The following DIS3 variants were observed in gnomAD, a reference collection of about 807,000 sequenced individuals.
DIS3 encodes exosome complex exonuclease RRP44.
In DIS3, 103 loss-of-function variants were observed where a neutral mutation model predicts 113.0. That is an observed-to-expected ratio of 0.91 (90% CI 0.78 to 1.07). The LOEUF is 1.07. DIS3 is among the 50% of genes least tolerant of loss of function. The pLI is 0.00. For synonymous variants in DIS3, 402 were observed against 394.3 expected, an observed-to-expected ratio of 1.02 and a Z score of -0.23; for missense variants, 1,121 against 1,167.1, an observed-to-expected ratio of 0.96 and a Z score of 0.58.
rs1230013855 is a variant in DIS3, at chr13:72,764,346, CAATA to C, written c.1971-743_1971-740del. On this transcript the variant is annotated intron_variant, in intron 15 of 20. Coordinates refer to ENST00000377767, the MANE Select transcript of DIS3 (RefSeq NM_014953.5). ...TTGGCTTAAAAACCAAAATTTTTAA[CAATA>C]AATTACTCAAATGAAGAGACCATAT... Among the ~76,000 whole-genome samples, 4 of 152,150 alleles carry C rather than the reference CAATA, an allele frequency of 2.6e-5. No homozygotes were observed. In the East Asian group the frequency reaches 7.7e-4, roughly 29 times the overall value.
At chr13:72,774,741 A>G (rs1254129695) in intron 6 of DIS3, among the ~76,000 whole-genome samples, 3 of 152,320 alleles carry the variant, frequency 2.0e-5, no homozygotes, top group East Asian at 3.9e-4. Context: ...AGCGCATATC[A>G]TAAGAAATAA....
At position 72,755,220 on chromosome 13, in the gene DIS3, G is replaced by A. The variant is rs10887; in HGVS notation, c.*4575C>T. 1,159,748 of 1,603,496 alleles carry A rather than the reference G, an allele frequency of 0.72. 421,335 individuals carry two copies. The highest frequency in any genetic ancestry group is 0.81 in the African/African-American group (60,316 of 74,698). On this transcript the variant is annotated 3_prime_UTR_variant, in exon 21 of 21. Coordinates refer to ENST00000377767, the MANE Select transcript of DIS3 (RefSeq NM_014953.5). ...TTTTCAATGCAGCAGTCCATAGAAT[G>A]CCTCTGTCAGAATCAAAGACTAAGC...
At chr13:72,780,806 T>A (rs1005953452) in intron 2 of DIS3, 40 bp downstream of exon 2, 35 of 1,558,346 alleles carry the variant, frequency 2.2e-5, no homozygotes, top group Non-Finnish European at 2.3e-5. Flanking sequence ...ATTTTGCTAA[T>A]CCTGTGGTTT....
chr13:72,775,202 G>A lies in DIS3; in HGVS notation c.987+9C>T, dbSNP rs1390566064. ...CACAGACAAAAAAAAATCCTGCTTA[G>A]ATTCATACCATTCGTTCTGTCTCTT... On this transcript the variant is annotated intron_variant, in intron 6 of 20. Coordinates refer to ENST00000377767, the MANE Select transcript of DIS3 (RefSeq NM_014953.5). 1 of 1,607,598 alleles carries A rather than the reference G, an allele frequency of 6.2e-7. No individual in the cohort carries two copies. Among genetic ancestry groups the A allele is most frequent in the Non-Finnish European group, 8.5e-7 (1 of 1,177,266 alleles).
chr13:72,757,432 T>C lies in DIS3; in HGVS notation c.*2363A>G, dbSNP rs1045806591. The C allele has an allele frequency of 2.1e-5, 3 of 144,764 alleles. No homozygotes were observed. The highest frequency in any genetic ancestry group is 7.7e-5 in the African/African-American group (3 of 39,112). The allele number at this position is 144,764 out of a possible 1,614,324, so 9.0% of individuals were successfully genotyped here. A position where few individuals can be genotyped will look rare whatever the true frequency, so the allele number is the denominator to read the frequency against. ...TGGCTAATTTTCTTTTCTTTTTTTT[T>C]TTTTTTTTTTGCGATGGAGTCTCAC... On this transcript the variant is annotated 3_prime_UTR_variant, in exon 21 of 21. Transcript: ENST00000377767.
Position 72,757,845 on chromosome 13 carries a change from G to A in DIS3, c.*1950C>T, listed in dbSNP as rs929630123. On this transcript the variant is annotated 3_prime_UTR_variant, in exon 21 of 21. Transcript: ENST00000377767. ...TTTGGTCAACAATGGCCAAATATAC[G>A]ATGATGATCCCGTAAGATTACAATG... The A allele has an allele frequency of 4.3e-5, 9 of 208,764 alleles. No homozygotes were observed. The South Asian group carries it at 5.7e-4, about 13-fold the overall frequency. The allele number at this position is 208,764 out of a possible 1,614,324, so 12.9% of individuals were successfully genotyped here.
At chr13:72,780,437 T>C (rs916975407) in intron 2 of DIS3, among the ~76,000 whole-genome samples, 1 of 152,074 alleles carries the variant, frequency 6.6e-6, no homozygotes. Flanking sequence ...ATAAATCTAC[T>C]TTCTATTTTT....
chr13:72,762,991 G>A (rs2033662191), intron 16 of DIS3, among the ~76,000 whole-genome samples: 1 of 151,948 alleles, frequency 6.6e-6, no homozygotes, highest in Non-Finnish European at 1.5e-5. Flanking sequence ...TTTAGCATAG[G>A]GTGCTCTTTA....
At chr13:72,768,333 A>G (rs1383817589) in intron 14 of DIS3, among the ~76,000 whole-genome samples, 1 of 152,204 alleles carries the variant, frequency 6.6e-6, no homozygotes, top group East Asian at 1.9e-4. Flanking sequence ...ACATCAGTCC[A>G]GAATCAAGTT....
chr13:72,770,032 T>C (rs1485212458), intron 13 of DIS3, among the ~76,000 whole-genome samples: 2 of 152,212 alleles, frequency 1.3e-5, no homozygotes, highest in African/African-American at 4.8e-5. Context: ...CTAGTTCTAC[T>C]AAAATCCAAT....
At position 72,757,423 on chromosome 13, in the gene DIS3, C is replaced by CTTTTTCT. The variant is rs2033510997; in HGVS notation, c.*2371_*2372insAGAAAAA. On this transcript the variant is annotated 3_prime_UTR_variant, in exon 21 of 21. Coordinates refer to ENST00000377767, the MANE Select transcript of DIS3 (RefSeq NM_014953.5). ...CACCACACCTGGCTAATTTTCTTTT[C>CTTTTTCT]TTTTTTTTTTTTTTTTTTTGCGATG... 1 of 68,484 alleles carries CTTTTTCT rather than the reference C, an allele frequency of 1.5e-5. No homozygotes were observed. The highest frequency in any genetic ancestry group is 3.0e-5 in the Non-Finnish European group (1 of 33,878). 4.2% of individuals were successfully genotyped at this position (68,484 alleles called of 1,614,324 possible).
intron 11 of DIS3, 63 bp from the exon 12 acceptor site, chr13:72,771,208 C>G: frequency 7.8e-7 from 1 of 1,285,018 alleles, no homozygotes; most frequent in East Asian, 2.3e-5. Flanking sequence ...ATGTGAGGTT[C>G]TATTCTCAAA....
At chr13:72,775,070 C>A (rs537521773) in intron 6 of DIS3, 141 bp downstream of exon 6, 17 of 901,410 alleles carry the variant, frequency 1.9e-5, no homozygotes, top group African/African-American at 7.0e-5. Context: ...GAGAAAAAAA[C>A]CATGTGTATG....
rs1566240627 is a variant in DIS3 at position 72,763,635 on chromosome 13, C to A, written c.1971-28G>T. 1.1e-5 allele frequency: 17 copies of A among 1,583,486 alleles called. No homozygotes were observed. In the Admixed American group the frequency reaches 1.7e-4, roughly 16 times the overall value. On this transcript the variant is annotated intron_variant, in intron 15 of 20. Coordinates refer to ENST00000377767, the MANE Select transcript of DIS3 (RefSeq NM_014953.5). ...GCCAATGGAAAAAGCATTAAACAAACAAAAAAGAGAATCTGAGACTTCTAT... is the reference window on the plus strand; with the variant it reads ...GCCAATGGAAAAAGCATTAAACAAAAAAAAAAGAGAATCTGAGACTTCTAT...
chr13:72,778,524 C>T, intron 2 of DIS3, 144 bp from the exon 3 acceptor site: 1 of 507,404 alleles, frequency 2.0e-6, no homozygotes, highest in Non-Finnish European at 3.2e-6. Flanking sequence ...ATGTACACCT[C>T]AGAGAAGAAA....
chr13:72,775,938 T>A lies in DIS3; in HGVS notation c.809A>T (p.Glu270Val), dbSNP rs766445065. The change falls in exon 5 of 21, where the codon GAA becomes GTA. Residue 270 changes from glutamate to valine, a missense_variant. Around this residue, in one of 3 missense-constraint regions of DIS3, gnomAD observed 861 missense variants for 915.5 expected, o/e 0.94. Coordinates refer to ENST00000377767, the MANE Select transcript of DIS3 (RefSeq NM_014953.5). ...EATVWIHGDN[E>V]ENKEIILQGL... ...TTATATACTTGCCTCTTTATTTTCTTCATTGTCGCCATGAATCCATACTGT... is the reference window on the plus strand; with the variant it reads ...TTATATACTTGCCTCTTTATTTTCTACATTGTCGCCATGAATCCATACTGT... 2 of 1,602,718 alleles carry A rather than the reference T, an allele frequency of 1.2e-6. No homozygotes were observed. The highest frequency in any genetic ancestry group is 1.7e-6 in the Non-Finnish European group (2 of 1,177,342).
At position 72,752,176 on chromosome 13, in the gene DIS3, TAG is replaced by T. The variant is rs1321311010; in HGVS notation, c.*7617_*7618del. ...TTTGCAATTAGAACCAAGTTTGAAT[TAG>T]AGTTCTTTTATTTCCAGGCTGTGGG... On this transcript the variant is annotated 3_prime_UTR_variant, in exon 21 of 21. Coordinates refer to ENST00000377767, the MANE Select transcript of DIS3 (RefSeq NM_014953.5). 1 of 152,200 alleles carries T rather than the reference TAG, an allele frequency of 6.6e-6. No individual in the cohort carries two copies. Among genetic ancestry groups the T allele is most frequent in the African/African-American group, 2.4e-5 (1 of 41,454 alleles). The allele number at this position is 152,200 out of a possible 1,614,324, so 9.4% of individuals were successfully genotyped here.
chr13:72,760,615 C>T lies in DIS3; in HGVS notation c.2707G>A (p.Val903Ile). ...SLKIEDTVFHVFDKVKVKIML... is the reference protein window; with the variant it reads ...SLKIEDTVFHIFDKVKVKIML... ...ATTTTCACTTTAACTTTATCAAATA[C>T]ATGGAACACTGTATCTTCTATTTTA... is the stretch of plus-strand genomic sequence containing the variant. Residue 903 changes from valine (V) to isoleucine (I), a missense_variant, in exon 20 of 21, where the codon GTA (valine) becomes ATA (isoleucine). Around this residue, in one of 3 missense-constraint regions of DIS3, gnomAD observed 861 missense variants for 915.5 expected, o/e 0.94. Transcript: ENST00000377767. 6.2e-7 allele frequency: 1 copy of T among 1,613,134 alleles called. No individual in the cohort carries two copies. The highest frequency in any genetic ancestry group is 8.5e-7 in the Non-Finnish European group (1 of 1,179,328).
At position 72,781,650 on chromosome 13, in the gene DIS3, C is replaced by T; in HGVS notation, c.183G>A (p.Pro61=). Residue 61 remains proline, a synonymous_variant, in exon 1 of 21, where the codon CCG becomes CCA. Coordinates refer to ENST00000377767, the MANE Select transcript of DIS3 (RefSeq NM_014953.5). ...QPQDPASSVC[P]QPHYLLPDTN... ...TGTCGGGCAGCAAGTAGTGCGGTTG[C>T]GGGCAGACGCTGCTCGCCGGGTCCT... 1 of 1,544,516 alleles carries T rather than the reference C, an allele frequency of 6.5e-7. No homozygotes were observed. The highest frequency in any genetic ancestry group is 8.7e-7 in the Non-Finnish European group (1 of 1,143,856).
Sources: gnomAD v4.1 joint callset for allele counts (sites outside exome capture counted in the v4.1 genomes callset) on GRCh38, gnomAD v4.1.1 for gene constraint, gnomAD v4.1.1 regional missense constraint, MANE v1.5 for transcripts, NCBI Gene and HGNC (gene_info 2026-07-23, HGNC 2026-07-21) for gene names.